Variants in CTXND2 observed in about 807,000 individuals in gnomAD.
CTXND2 encodes cortexin domain containing 2.
intron 1 of CTXND2, among the ~76,000 whole-genome samples, chr1:150,890,447 T>C (rs1668832325): frequency 6.6e-6 from 1 of 152,212 alleles, no homozygotes; most frequent in African/African-American, 2.4e-5. Flanking sequence ...CAGGAATGAT[T>C]AGAAGGTGGT....
intron 1 of CTXND2, among the ~76,000 whole-genome samples, chr1:150,911,199 C>G (rs113155282): frequency 7.2e-5 from 11 of 151,904 alleles, no homozygotes; most frequent in African/African-American, 2.4e-4. Flanking sequence ...CCGCCTGCCT[C>G]GGCCTCCCAA....
intron 1 of CTXND2, among the ~76,000 whole-genome samples, chr1:150,904,894 A>C (rs1302941946): frequency 6.6e-6 from 1 of 152,186 alleles, no homozygotes; most frequent in Non-Finnish European, 1.5e-5. Flanking sequence ...CTAAGTTATA[A>C]TTTAGGATAG....
At chr1:150,900,326 C>T (rs1328283574) in intron 1 of CTXND2, among the ~76,000 whole-genome samples, 1 of 151,880 alleles carries the variant, frequency 6.6e-6, no homozygotes, top group African/African-American at 2.4e-5. Flanking sequence ...TGCGGCTTCA[C>T]TCCTAAAGTC....
intron 1 of CTXND2, among the ~76,000 whole-genome samples, chr1:150,895,653 AAGT>A (rs765847192): frequency 2.6e-5 from 4 of 152,236 alleles, no homozygotes; most frequent in Non-Finnish European, 5.9e-5. Flanking sequence ...GGCCATGAAG[AAGT>A]CTTTCTTCAC....
chr1:150,900,883 A>C lies in CTXND2; in HGVS notation c.-73-11359A>C, dbSNP rs76171256. Among the ~76,000 whole-genome samples, 1,285 of 152,258 alleles carry C rather than the reference A, an allele frequency of 8.4e-3. 7 individuals are homozygous for C. The highest frequency in any genetic ancestry group is 0.012 in the Non-Finnish European group (811 of 68,006). On this transcript the variant is annotated intron_variant, in intron 1 of 1. Transcript: ENST00000636087. ...ATGGTGGCTCACGCCTGTAATCCAA[A>C]GTGGGAGGATCACTTAAGTCCAGGA...
chr1:150,901,290 G>A (rs1669025203), intron 1 of CTXND2, among the ~76,000 whole-genome samples: 2 of 152,192 alleles, frequency 1.3e-5, no homozygotes, highest in African/African-American at 4.8e-5. Context: ...CGGATCAGAA[G>A]ACTTAACATT....
intron 1 of CTXND2, among the ~76,000 whole-genome samples, chr1:150,892,654 G>A (rs587723963): frequency 2.7e-5 from 4 of 150,344 alleles, no homozygotes; most frequent in South Asian, 2.1e-4. Context: ...TCCTCCCACC[G>A]CAGCCTCCCA....
chr1:150,908,085 T>C (rs1669184339), intron 1 of CTXND2, among the ~76,000 whole-genome samples: 2 of 150,166 alleles, frequency 1.3e-5, no homozygotes, highest in Admixed American at 1.3e-4. Flanking sequence ...CAAAGCTCAC[T>C]GCAGCCTCCC....
intron 1 of CTXND2, among the ~76,000 whole-genome samples, chr1:150,908,680 T>A (rs1669195394): frequency 6.6e-6 from 1 of 152,008 alleles, no homozygotes; most frequent in Non-Finnish European, 1.5e-5. Context: ...TGGAGTACAG[T>A]GGTGCGATCA....
intron 1 of CTXND2, among the ~76,000 whole-genome samples, chr1:150,897,639 T>C (rs1192988813): frequency 1.3e-5 from 2 of 152,204 alleles, no homozygotes; most frequent in Admixed American, 6.5e-5. Flanking sequence ...AGGATATTAA[T>C]AGATACAGGG....
intron 1 of CTXND2, among the ~76,000 whole-genome samples, chr1:150,897,722 C>T (rs1337253141): frequency 1.3e-5 from 2 of 152,148 alleles, no homozygotes; most frequent in Admixed American, 1.3e-4. Flanking sequence ...ATAGAAAGGA[C>T]AAGATACATA....
At chr1:150,905,729 G>A (rs770057792) in intron 1 of CTXND2, among the ~76,000 whole-genome samples, 17 of 152,014 alleles carry the variant, frequency 1.1e-4, no homozygotes, top group East Asian at 1.9e-4. Flanking sequence ...AGTGGCTCAC[G>A]CCTGTAATCC....
intron 1 of CTXND2, among the ~76,000 whole-genome samples, chr1:150,893,581 C>G (rs1668878842): frequency 6.6e-6 from 1 of 152,116 alleles, no homozygotes; most frequent in Non-Finnish European, 1.5e-5. Flanking sequence ...ACTTCAGCCT[C>G]CTGAGTAGCT....
intron 1 of CTXND2, among the ~76,000 whole-genome samples, chr1:150,888,782 C>T (rs1668808592): frequency 6.6e-6 from 1 of 151,932 alleles, no homozygotes; most frequent in Admixed American, 6.6e-5. Flanking sequence ...CCTTGACCTC[C>T]TGGGCTCAAT....
chr1:150,900,474 G>A (rs1178537354), intron 1 of CTXND2, among the ~76,000 whole-genome samples: 2 of 152,186 alleles, frequency 1.3e-5, no homozygotes, highest in Non-Finnish European at 2.9e-5. Context: ...TGAAGTCAGT[G>A]AGACCAAGAA....
At chr1:150,888,537 C>A (rs1557997583) in intron 1 of CTXND2, among the ~76,000 whole-genome samples, 2 of 151,792 alleles carry the variant, frequency 1.3e-5, no homozygotes, top group South Asian at 2.1e-4. Flanking sequence ...TATTTTAAAT[C>A]TTTTATTCTT....
chr1:150,912,556 C>A, exon 2 of CTXND2: 1 of 398,010 alleles, frequency 2.5e-6, no homozygotes, highest in Non-Finnish European at 4.4e-6. Flanking sequence ...TATTATTTCA[C>A]CTCCCTGTTT....
exon 2 of CTXND2, chr1:150,912,794 T>A: frequency 4.9e-6 from 1 of 205,646 alleles, no homozygotes; most frequent in Non-Finnish European, 9.7e-6. Context: ...AAGGTCCACC[T>A]GAAACTAGAA....
At chr1:150,895,025 C>T (rs1176575527) in intron 1 of CTXND2, among the ~76,000 whole-genome samples, 2 of 151,240 alleles carry the variant, frequency 1.3e-5, no homozygotes, top group African/African-American at 2.4e-5. Context: ...AGTGAGACTC[C>T]GTCCCCCTCA....
Sources: gnomAD v4.1 joint callset for allele counts (sites outside exome capture counted in the v4.1 genomes callset) on GRCh38, gnomAD v4.1.1 for gene constraint, MANE v1.5 for transcripts, NCBI Gene and HGNC (gene_info 2026-07-23, HGNC 2026-07-21) for gene names.